The following CRB1 variants were observed in gnomAD, a reference collection of about 807,000 sequenced individuals.
CRB1 encodes protein crumbs homolog 1.
In CRB1, 83 loss-of-function variants were observed where a neutral mutation model predicts 120.0. The ratio of observed to expected loss-of-function variants is 0.69; its 90% confidence interval spans 0.58 to 0.83. The LOEUF is 0.83. Ranked by LOEUF, CRB1 falls within the 40% of genes least tolerant of loss-of-function variation. The pLI is 0.00. For synonymous variants in CRB1, 625 were observed against 612.5 expected, an observed-to-expected ratio of 1.02 and a Z score of -0.30; for missense variants, 1,699 against 1,687.6, an observed-to-expected ratio of 1.01 and a Z score of -0.12.
Position 197,435,473 on chromosome 1 carries a change from C to A in CRB1, c.3610C>A (p.Pro1204Thr). The change falls in exon 9 of 12, where the codon CCT becomes ACT. Residue 1204 changes from proline to threonine, a missense_variant. Coordinates refer to ENST00000367400, the MANE Select transcript of CRB1 (RefSeq NM_201253.3). Reference protein sequence around the residue: ...RVAAYHCTCEPGYTGVNCEVD... With the variant: ...RVAAYHCTCETGYTGVNCEVD... ...TGCAGCCTACCACTGCACATGTGAG[C>A]CTGGATACACTGGTGTGAACTGTGA... is the stretch of plus-strand genomic sequence containing the variant. 6.2e-7 allele frequency: 1 copy of A among 1,600,626 alleles called. No individual in the cohort carries two copies. Among genetic ancestry groups the A allele is most frequent in the Non-Finnish European group, 8.5e-7 (1 of 1,173,124 alleles).
chr1:197,329,034 G>T, intron 2 of CRB1, 31 bp downstream of exon 2: 3 of 1,561,046 alleles, frequency 1.9e-6, no homozygotes, highest in African/African-American at 1.3e-5. Flanking sequence ...ATCACAGATG[G>T]TGTAGTTAGC....
chr1:197,347,589 T>G (rs1166653896), intron 4 of CRB1, 110 bp downstream of exon 4: 1 of 1,132,008 alleles, frequency 8.8e-7, no homozygotes, highest in East Asian at 2.5e-5. Context: ...TTAAATCAAT[T>G]TCTTCTAGCT....
At chr1:197,398,543 A>G (rs1321940985) in intron 5 of CRB1, among the ~76,000 whole-genome samples, 3 of 152,316 alleles carry the variant, frequency 2.0e-5, no homozygotes, top group East Asian at 3.9e-4. Context: ...AGAAAGAATC[A>G]GTAGGGCTTG....
chr1:197,218,687 G>A, the CRB1 span, among the ~76,000 whole-genome samples: 1 of 152,132 alleles, frequency 6.6e-6, no homozygotes, highest in Non-Finnish European at 1.5e-5. Context: ...CAGGGAATAG[G>A]AGAGCAGGAC....
intron 11 of CRB1, among the ~76,000 whole-genome samples, chr1:197,466,105 G>A (rs1666738502): frequency 6.6e-6 from 1 of 152,190 alleles, no homozygotes; most frequent in Admixed American, 6.5e-5. Flanking sequence ...GAGCCTGGTG[G>A]TTTGGCATCC....
At chr1:197,353,004 C>A (rs2125343594) in intron 4 of CRB1, among the ~76,000 whole-genome samples, 1 of 152,266 alleles carries the variant, frequency 6.6e-6, no homozygotes, top group East Asian at 1.9e-4. Context: ...ACATATTGCT[C>A]AGTCCTGGAC....
chr1:197,423,111 A>G (rs1046018523), intron 6 of CRB1, among the ~76,000 whole-genome samples: 4 of 152,202 alleles, frequency 2.6e-5, no homozygotes, highest in African/African-American at 2.4e-5. Flanking sequence ...TTTTTGAAGA[A>G]AAATTTAATT....
chr1:197,369,745 A>T (rs1422986722), intron 5 of CRB1, among the ~76,000 whole-genome samples: 1 of 152,078 alleles, frequency 6.6e-6, no homozygotes, highest in Non-Finnish European at 1.5e-5. Context: ...CCCTAATTTC[A>T]TGCAATTTTC....
intron 3 of CRB1, among the ~76,000 whole-genome samples, chr1:197,344,898 ATAT>A (rs1050292229): frequency 3.3e-5 from 5 of 152,226 alleles, no homozygotes; most frequent in African/African-American, 1.2e-4. Flanking sequence ...AAAGGCAGTG[ATAT>A]TTAATTACTT....
chr1:197,234,644 T>A, the CRB1 span, among the ~76,000 whole-genome samples: 11 of 152,234 alleles, frequency 7.2e-5, no homozygotes, highest in African/African-American at 1.9e-4. Flanking sequence ...CTTGCTCAGT[T>A]ATCATCGGTC....
chr1:197,256,922 A>G, the CRB1 span, among the ~76,000 whole-genome samples: 3 of 141,374 alleles, frequency 2.1e-5, no homozygotes, highest in South Asian at 7.0e-4. Flanking sequence ...AACAGAACCT[A>G]TAGGATTTGC....
intron 5 of CRB1, among the ~76,000 whole-genome samples, chr1:197,380,196 C>G (rs1477716007): frequency 1.3e-5 from 2 of 152,208 alleles, no homozygotes; most frequent in East Asian, 1.9e-4. Context: ...GGAATATTAT[C>G]AAAAGTTTTG....
chr1:197,283,419 A>G (rs1019278174), intron 1 of CRB1, among the ~76,000 whole-genome samples: 10 of 151,592 alleles, frequency 6.6e-5, no homozygotes, highest in African/African-American at 1.9e-4. Context: ...CGAGTCCCCA[A>G]AGTCCGTTGT....
chr1:197,403,657 G>A (rs1663182816), intron 5 of CRB1, among the ~76,000 whole-genome samples: 1 of 151,632 alleles, frequency 6.6e-6, no homozygotes, highest in African/African-American at 2.4e-5. Flanking sequence ...CTCCTTATAT[G>A]AGCCAATAAA....
At chr1:197,438,425 G>T in intron 9 of CRB1, 122 bp from the exon 10 acceptor site, 1 of 1,192,522 alleles carries the variant, frequency 8.4e-7, no homozygotes, top group Non-Finnish European at 1.2e-6. Flanking sequence ...AGCATTTGTA[G>T]CTCCTCCAGC....
chr1:197,450,555 A>G (rs2125528278), intron 11 of CRB1, among the ~76,000 whole-genome samples: 1 of 152,218 alleles, frequency 6.6e-6, no homozygotes, highest in Admixed American at 6.5e-5. Context: ...TATTTTGTCT[A>G]GAAAGGGAAG....
intron 5 of CRB1, among the ~76,000 whole-genome samples, chr1:197,402,221 C>T (rs1663101993): frequency 6.6e-6 from 1 of 152,082 alleles, no homozygotes; most frequent in South Asian, 2.1e-4. Context: ...CCTCCATCCC[C>T]AAGGAGTCCT....
At chr1:197,301,235 G>A (rs1444559855) in intron 1 of CRB1, among the ~76,000 whole-genome samples, 1 of 151,538 alleles carries the variant, frequency 6.6e-6, no homozygotes, top group African/African-American at 2.4e-5. Flanking sequence ...GCGCGACCTC[G>A]GCTCACTGCA....
At chr1:197,310,400 T>G (rs1308371679) in intron 1 of CRB1, among the ~76,000 whole-genome samples, 1 of 152,200 alleles carries the variant, frequency 6.6e-6, no homozygotes, top group Non-Finnish European at 1.5e-5. Flanking sequence ...GTTTCTGGGC[T>G]GGAGACTCAG....
Sources: allele counts gnomAD v4.1 joint callset (sites outside exome capture counted in the v4.1 genomes callset), GRCh38; gene constraint gnomAD v4.1.1; transcripts MANE v1.5; gene names NCBI Gene and HGNC (gene_info 2026-07-23, HGNC 2026-07-21).